Variants in CCDC7 observed in about 807,000 individuals in gnomAD.
CCDC7 encodes the protein coiled-coil domain containing 7, also known as coiled-coil domain-containing protein 7.
CCDC7 carries 183 observed loss-of-function variants against 196.9 expected under a neutral mutation model. The ratio of observed to expected loss-of-function variants is 0.93; its 90% CI spans 0.82 to 1.05. CCDC7 has a LOEUF of 1.05. Among genes scored for constraint, CCDC7 ranks in the 50% least tolerant of loss-of-function variants. The probability of loss-of-function intolerance (pLI) is 0.00; values close to 1 mark genes in which losing one functional copy is unlikely to be tolerated. For synonymous variants in CCDC7, 525 were observed against 484.6 expected, an observed-to-expected ratio of 1.08 and a Z score of -1.10; for missense variants, 1,540 against 1,482.2, an observed-to-expected ratio of 1.04 and a Z score of -0.64.
At chr10:32,851,718 ATGT>A (rs1348580210) in intron 39 of CCDC7, 86 bp from the exon 41 acceptor site, 5 of 1,209,788 alleles carry the variant, frequency 4.1e-6, no homozygotes, top group Non-Finnish European at 4.6e-6. Flanking sequence ...AGATGCTTTG[ATGT>A]TGTGTGCATA....
At chr10:32,799,063 A>T (rs761993775) in intron 29 of CCDC7, among the ~76,000 whole-genome samples, 4 of 152,106 alleles carry the variant, frequency 2.6e-5, no homozygotes, top group Non-Finnish European at 4.4e-5. Flanking sequence ...CTTCCATTTG[A>T]TGATGGAATG....
rs541670260 is a variant in CCDC7 at position 32,778,239 on chromosome 10, A to C, written c.2906-738A>C. Among the ~76,000 whole-genome samples, 242 of 152,280 alleles carry C rather than the reference A, an allele frequency of 1.6e-3. 1 individual carries two copies. Among genetic ancestry groups the C allele is most frequent in the Non-Finnish European group, 1.2e-3 (81 of 67,996 alleles). The stretch of plus-strand genomic sequence containing the variant: ...TTTTATTGCAATTGCTTTTGAAGAG[A>C]TAGCCATACATTCTTTGCCAAGGCT... On this transcript the variant is annotated intron_variant, in intron 28 of 41. Coordinates refer to ENST00000639629, the Ensembl canonical transcript of CCDC7.
At chr10:32,484,216 C>T (rs1055581538) in intron 8 of CCDC7, among the ~76,000 whole-genome samples, 1 of 152,014 alleles carries the variant, frequency 6.6e-6, no homozygotes, top group Non-Finnish European at 1.5e-5. Flanking sequence ...CTTCACATGC[C>T]CTGTAAGTTG....
At chr10:32,618,910 G>A (rs2063075216) in intron 18 of CCDC7, among the ~76,000 whole-genome samples, 1 of 152,054 alleles carries the variant, frequency 6.6e-6, no homozygotes, top group African/African-American at 2.4e-5. Flanking sequence ...TGTAGTCCCA[G>A]ACATCTCAAA....
intron 20 of CCDC7, among the ~76,000 whole-genome samples, chr10:32,656,297 A>G (rs1261031221): frequency 1.3e-5 from 2 of 152,242 alleles, no homozygotes; most frequent in East Asian, 1.9e-4. Context: ...TCCTATGTTT[A>G]TTGCAGCATT....
chr10:32,582,017 C>A (rs1400118442), intron 16 of CCDC7, among the ~76,000 whole-genome samples: 7 of 148,912 alleles, frequency 4.7e-5, no homozygotes, highest in Non-Finnish European at 1.0e-4. Context: ...GCCAGCTATT[C>A]TCTTTACTTT....
chr10:32,699,934 A>T (rs1270296516), intron 24 of CCDC7, among the ~76,000 whole-genome samples: 1 of 149,128 alleles, frequency 6.7e-6, no homozygotes, highest in Admixed American at 6.6e-5. Flanking sequence ...GTTTGAGTTC[A>T]TCGTAGATTC....
At chr10:32,815,402 T>TA (rs1425180722) in intron 31 of CCDC7, among the ~76,000 whole-genome samples, 1 of 152,170 alleles carries the variant, frequency 6.6e-6, no homozygotes, top group Non-Finnish European at 1.5e-5. Context: ...CATTGTGATG[T>TA]AAATTAAATT....
chr10:32,766,848 T>C (rs1397678527), intron 28 of CCDC7, among the ~76,000 whole-genome samples: 1 of 152,092 alleles, frequency 6.6e-6, no homozygotes, highest in East Asian at 1.9e-4. Flanking sequence ...ACCTTCTCTC[T>C]CCCAGCCTAC....
chr10:32,466,174 T>C (rs1564361287), intron 5 of CCDC7, among the ~76,000 whole-genome samples: 4 of 152,204 alleles, frequency 2.6e-5, no homozygotes, highest in South Asian at 2.1e-4. Context: ...TACTTATCTT[T>C]AATATTTTAT....
At chr10:32,771,074 A>G (rs11816730) in intron 28 of CCDC7, among the ~76,000 whole-genome samples, 6,941 of 152,244 alleles carry the variant, frequency 0.046, 537 homozygotes, top group African/African-American at 0.16. Context: ...GGCCATTTAC[A>G]TTCAATGTTA....
At chr10:32,490,952 ACT>A (rs1206262658) in intron 8 of CCDC7, among the ~76,000 whole-genome samples, 2 of 152,056 alleles carry the variant, frequency 1.3e-5, no homozygotes, top group African/African-American at 4.8e-5. Flanking sequence ...AGGAATATTG[ACT>A]CTCTCAAAGT....
rs1166234128 is a variant in CCDC7 at position 32,875,490 on chromosome 10, G to A, written c.4112-857G>A. On this transcript the variant is annotated intron_variant, in intron 41 of 41. Transcript: ENST00000639629. ...GGCCCTCTGTTCTGTTTCATTGGTC[G>A]GTGTGTCTGTTTTTGTACCAGTACC... is the stretch of plus-strand genomic sequence containing the variant. 3.3e-5 allele frequency among the ~76,000 whole-genome samples: 5 copies of A among 151,524 alleles called. 1 individual carries two copies. The highest frequency in any genetic ancestry group is 2.1e-4 in the South Asian group (1 of 4,774).
intron 18 of CCDC7, among the ~76,000 whole-genome samples, chr10:32,629,397 G>C (rs1189395436): frequency 6.6e-6 from 1 of 152,008 alleles, no homozygotes; most frequent in Non-Finnish European, 1.5e-5. Context: ...TTGTGGTCTA[G>C]GAGACTCAGG....
At chr10:32,698,615 T>A (rs1233358792) in intron 24 of CCDC7, among the ~76,000 whole-genome samples, 1 of 151,828 alleles carries the variant, frequency 6.6e-6, no homozygotes, top group Admixed American at 6.6e-5. Flanking sequence ...TGATTGAAGA[T>A]CAAATGAATG....
At chr10:32,522,944 T>A (rs985232748) in intron 11 of CCDC7, among the ~76,000 whole-genome samples, 7 of 152,232 alleles carry the variant, frequency 4.6e-5, no homozygotes, top group African/African-American at 7.2e-5. Context: ...GCATATTTTT[T>A]AATTTCCATG....
At chr10:32,838,094 TAATA>T (rs1332839561) in intron 33 of CCDC7, among the ~76,000 whole-genome samples, 2 of 151,916 alleles carry the variant, frequency 1.3e-5, no homozygotes, top group Non-Finnish European at 2.9e-5. Flanking sequence ...CATATAAAAA[TAATA>T]AAAATAAATA....
intron 11 of CCDC7, among the ~76,000 whole-genome samples, chr10:32,520,650 A>AT (rs1218700768): frequency 5.9e-5 from 9 of 151,408 alleles, no homozygotes; most frequent in African/African-American, 1.9e-4. Flanking sequence ...GTTTGGAAAT[A>AT]TTTTTTCTCA....
At chr10:32,513,771 AG>A (rs2046600792) in intron 9 of CCDC7, 1 of 152,220 alleles carries the variant, frequency 6.6e-6, no homozygotes, top group Admixed American at 6.5e-5. Context: ...CGCTAGATTC[AG>A]TAAATGCACT....
Sources: allele counts gnomAD v4.1 joint callset (sites outside exome capture counted in the v4.1 genomes callset), GRCh38; gene constraint gnomAD v4.1.1; transcripts MANE v1.5; gene names NCBI Gene and HGNC (gene_info 2026-07-23, HGNC 2026-07-21).